Variants in C3orf20 observed in about 807,000 individuals in gnomAD.
The protein encoded by C3orf20 is uncharacterized protein C3orf20.
In C3orf20, 76 loss-of-function variants were observed where a neutral mutation model predicts 88.3. The ratio of observed to expected loss-of-function variants is 0.86; its 90% CI spans 0.72 to 1.04. The LOEUF (loss-of-function observed/expected upper bound fraction) is 1.04. C3orf20 is among the 50% of genes least tolerant of loss of function. The probability of loss-of-function intolerance (pLI) is 0.00; values close to 1 mark genes in which losing one functional copy is unlikely to be tolerated. For synonymous variants in C3orf20, 436 were observed against 437.4 expected (o/e 1.00, Z 0.04); for missense variants, 1,056 against 1,123.3 (o/e 0.94, Z 0.86).
At chr3:14,722,862 A>C (rs1007443112) in intron 10 of C3orf20, among the ~76,000 whole-genome samples, 1 of 152,184 alleles carries the variant, frequency 6.6e-6, no homozygotes, top group African/African-American at 2.4e-5. Flanking sequence ...AGACAGGTGG[A>C]GAGGATTAAG....
intron 5 of C3orf20, among the ~76,000 whole-genome samples, chr3:14,696,291 C>T (rs2032997059): frequency 6.6e-6 from 1 of 151,128 alleles, no homozygotes; most frequent in Non-Finnish European, 1.5e-5. Flanking sequence ...TACACCTTAA[C>T]TTCATCCCCC....
chr3:14,772,868 A>G lies in C3orf20; in HGVS notation c.2708A>G (p.Lys903Arg). 3 of 1,613,614 alleles carry G rather than the reference A, an allele frequency of 1.9e-6. No individual in the cohort carries two copies. The highest frequency in any genetic ancestry group is 2.5e-6 in the Non-Finnish European group (3 of 1,179,702). ...ACTAGTTGGAAGAAGCAGGCCTCCA[A>G]GAAGTAGCGCCATCCTGGCAGCAGC... ...KITSWKKQAS[K>R]K The change falls in exon 17 of 17, where the codon AAG becomes AGG. Residue 903 changes from lysine to arginine, a missense_variant. Lys to Arg is a conservative substitution (Grantham distance 26). Transcript: ENST00000253697. This position sits in a 1 kb window ranked among gnomAD's most constrained non-coding sequence, Gnocchi z 4.2.
rs981090324 is a variant in C3orf20, at chr3:14,772,675, A to G, written c.2631-116A>G. On this transcript the variant is annotated intron_variant, in intron 16 of 16. Transcript: ENST00000253697. This position sits in a 1 kb window ranked among gnomAD's most constrained non-coding sequence, Gnocchi z 4.2. ...GGCCCTCTGGTTGGAACAGCACCCA[A>G]CAGCCTCACCTGTGCAAGGGAGAGG... 5.2e-6 allele frequency: 4 copies of G among 769,014 alleles called. 1 individual carries two copies. Among genetic ancestry groups the G allele is most frequent in the East Asian group, 2.6e-5 (1 of 38,062 alleles). 47.6% of individuals were successfully genotyped at this position (769,014 alleles called of 1,614,324 possible). A position where few individuals can be genotyped will look rare whatever the true frequency, so the allele number is the denominator to read the frequency against.
intron 15 of C3orf20, among the ~76,000 whole-genome samples, chr3:14,769,402 GT>G (rs2035801547): frequency 6.6e-6 from 1 of 151,976 alleles, no homozygotes; most frequent in Non-Finnish European, 1.5e-5. Flanking sequence ...AAGACAGGCT[GT>G]TAGAAAAACA....
At chr3:14,690,192 T>G (rs2032655046) in intron 5 of C3orf20, 76 bp downstream of exon 5, 1 of 1,593,358 alleles carries the variant, frequency 6.3e-7, no homozygotes, top group South Asian at 1.1e-5. Context: ...GTCTACCCTG[T>G]GTAGGTTGGT....
chr3:14,746,046 G>T (rs1166864599), intron 12 of C3orf20, among the ~76,000 whole-genome samples: 2 of 152,044 alleles, frequency 1.3e-5, no homozygotes, highest in African/African-American at 2.4e-5. Context: ...CTATGAATTT[G>T]CCCATTCTCC....
chr3:14,736,772 G>T (rs1299102653), intron 12 of C3orf20, among the ~76,000 whole-genome samples: 1 of 151,970 alleles, frequency 6.6e-6, no homozygotes, highest in African/African-American at 2.4e-5. Context: ...TCACCATGTT[G>T]CTCAGGCTGA....
chr3:14,746,689 C>T (rs1479326242), intron 12 of C3orf20, among the ~76,000 whole-genome samples: 1 of 152,078 alleles, frequency 6.6e-6, no homozygotes, highest in Non-Finnish European at 1.5e-5. Context: ...ACCCTAGACA[C>T]AATTGAGCAA....
intron 10 of C3orf20, among the ~76,000 whole-genome samples, chr3:14,724,604 C>G (rs1282488276): frequency 6.6e-6 from 1 of 152,216 alleles, no homozygotes; most frequent in African/African-American, 2.4e-5. Context: ...GAAACACACA[C>G]TGCATTTCAA....
Position 14,733,694 on chromosome 3 carries a change from G to GTTT in C3orf20, c.1940+5017_1940+5019dup, listed in dbSNP as rs56739474. Among the ~76,000 whole-genome samples, 2 of 142,856 alleles carry GTTT rather than the reference G, an allele frequency of 1.4e-5. 1 individual carries two copies. The highest frequency in any genetic ancestry group is 4.4e-4 in the South Asian group (2 of 4,576). 93.7% of individuals were successfully genotyped at this position (142,856 alleles called of 152,430 possible). On this transcript the variant is annotated intron_variant, in intron 12 of 16. Coordinates refer to ENST00000253697, the MANE Select transcript of C3orf20 (RefSeq NM_032137.5). ...TAAATGTTTAAATATGTTGAAGTTGGTTTTTTTTTTTTTGAAACGGAGTCT... is the reference window on the plus strand; with the variant it reads ...TAAATGTTTAAATATGTTGAAGTTGGTTTTTTTTTTTTTTTTGAAACGGAGTCT...
Position 14,690,244 on chromosome 3 carries a change from C to A in C3orf20, c.745+128C>A, listed in dbSNP as rs566232895. 16 of 1,304,340 alleles carry A rather than the reference C, an allele frequency of 1.2e-5. No individual in the cohort carries two copies. In the African/African-American group the frequency reaches 2.2e-4, roughly 18 times the overall value. The allele number at this position is 1,304,340 out of a possible 1,614,324, so 80.8% of individuals were successfully genotyped here. ...GTCTTCTGATTAGAAGGATACATAG[C>A]GGCTCTGCCTGGAGATCCAGCAGCT... On this transcript the variant is annotated intron_variant, in intron 5 of 16. Transcript: ENST00000253697.
chr3:14,714,905 A>C (rs1380724794), intron 8 of C3orf20, among the ~76,000 whole-genome samples: 2 of 152,140 alleles, frequency 1.3e-5, no homozygotes, highest in African/African-American at 2.4e-5. Context: ...CCATGTCTGG[A>C]TTTGCCTGGC....
chr3:14,704,205 G>A, intron 6 of C3orf20, 132 bp from the exon 7 acceptor site: 5 of 894,926 alleles, frequency 5.6e-6, no homozygotes, highest in Non-Finnish European at 8.4e-6. Flanking sequence ...GAGGGAGCAT[G>A]GGTTGGGGAT....
chr3:14,712,002 T>C (rs2033759167), intron 7 of C3orf20, among the ~76,000 whole-genome samples: 1 of 152,156 alleles, frequency 6.6e-6, no homozygotes, highest in Non-Finnish European at 1.5e-5. Flanking sequence ...ATGGGTTAAA[T>C]GGTGTCTCTC....
At chr3:14,736,296 C>CTTTT (rs35624221) in intron 12 of C3orf20, among the ~76,000 whole-genome samples, 10 of 147,318 alleles carry the variant, frequency 6.8e-5, no homozygotes, top group African/African-American at 1.5e-4. Flanking sequence ...TTTTATTTCA[C>CTTTT]TTTTTTTTTT....
intron 8 of C3orf20, among the ~76,000 whole-genome samples, chr3:14,714,748 A>C (rs1380449039): frequency 6.6e-6 from 1 of 152,104 alleles, no homozygotes; most frequent in Admixed American, 6.5e-5. Flanking sequence ...GGGACTACAG[A>C]CATGTGCCAC....
At chr3:14,756,392 ACTGTTTTATTC>A (rs1402341155) in intron 12 of C3orf20, among the ~76,000 whole-genome samples, 1 of 152,056 alleles carries the variant, frequency 6.6e-6, no homozygotes, top group African/African-American at 2.4e-5. Context: ...TTCAAATGCT[ACTGTTTTATTC>A]CACTGAACAA....
intron 12 of C3orf20, among the ~76,000 whole-genome samples, chr3:14,756,378 AT>A: frequency 6.6e-6 from 1 of 152,074 alleles, no homozygotes; most frequent in East Asian, 2.0e-4. Context: ...AATCTTTACT[AT>A]TTTTCAAATG....
intron 15 of C3orf20, among the ~76,000 whole-genome samples, chr3:14,765,894 G>A (rs2035687496): frequency 6.6e-6 from 1 of 152,368 alleles, no homozygotes; most frequent in Non-Finnish European, 1.5e-5. Flanking sequence ...GGGGAAGAAA[G>A]GGTCCCCACG....
Sources: allele counts gnomAD v4.1 joint callset (sites outside exome capture counted in the v4.1 genomes callset), GRCh38; gene constraint gnomAD v4.1.1; non-coding constraint Gnocchi (gnomAD v3.1); transcripts MANE v1.5; gene names NCBI Gene and HGNC (gene_info 2026-07-23, HGNC 2026-07-21).